Variants in SEC11A observed in about 807,000 individuals in gnomAD.
SEC11A encodes signal peptidase complex catalytic subunit SEC11A.
A neutral mutation model predicts 25.6 loss-of-function variants in SEC11A; 14 were observed. That is an observed-to-expected ratio of 0.55 (90% CI 0.36 to 0.85). The LOEUF (loss-of-function observed/expected upper bound fraction) is 0.85, where lower values mean the gene tolerates loss of function less well. SEC11A is among the 40% of genes least tolerant of loss of function. The probability of loss-of-function intolerance (pLI) is 0.01; values close to 1 mark genes in which losing one functional copy is unlikely to be tolerated. For missense variants in SEC11A, 153 were observed against 222.9 expected (o/e 0.69, Z 2.00); for synonymous variants, 83 against 76.4 (o/e 1.09, Z -0.45).
chr15:84,710,582 G>C (rs1898231170), intron 1 of SEC11A, among the ~76,000 whole-genome samples: 1 of 152,176 alleles, frequency 6.6e-6, no homozygotes, highest in Non-Finnish European at 1.5e-5. Context: ...GGTTGCAGTT[G>C]AGCCTAGATG....
chr15:84,716,128 G>A lies in SEC11A; in HGVS notation c.-53C>T, dbSNP rs544647194. 13 of 1,565,258 alleles carry A rather than the reference G, an allele frequency of 8.3e-6. No individual in the cohort carries two copies. In the South Asian group the frequency reaches 8.9e-5, roughly 11 times the overall value. On this transcript the variant is annotated 5_prime_UTR_variant, in exon 1 of 6. Transcript: ENST00000268220. ...AGGGGAAAGGGCGCGATGACCAGCG[G>A]GCGGAACTACTGGAGCTCGGGTCGG...
intron 3 of SEC11A, among the ~76,000 whole-genome samples, chr15:84,684,935 G>C (rs1051822359): frequency 6.6e-6 from 1 of 151,332 alleles, no homozygotes; most frequent in Non-Finnish European, 1.5e-5. Context: ...CGTCTCAAAA[G>C]AAAAAACAAA....
intron 1 of SEC11A, among the ~76,000 whole-genome samples, chr15:84,699,966 C>T (rs997470652): frequency 1.3e-5 from 2 of 151,812 alleles, no homozygotes; most frequent in Non-Finnish European, 2.9e-5. Context: ...GAAATCTTCA[C>T]GGGGCTTTGG....
chr15:84,670,390 C>A (rs757134560), intron 5 of SEC11A: 18 of 272,584 alleles, frequency 6.6e-5, no homozygotes, highest in Non-Finnish European at 1.0e-4. Flanking sequence ...GTGTGTACCA[C>A]CATTCCTGGC....
At chr15:84,683,115 T>C (rs933189710) in intron 3 of SEC11A, among the ~76,000 whole-genome samples, 2 of 151,982 alleles carry the variant, frequency 1.3e-5, no homozygotes, top group Admixed American at 1.3e-4. Flanking sequence ...AGAAAAATAA[T>C]CTGTAGCTGA....
At chr15:84,706,153 T>C (rs894809656) in intron 1 of SEC11A, among the ~76,000 whole-genome samples, 2 of 152,046 alleles carry the variant, frequency 1.3e-5, no homozygotes, top group African/African-American at 4.8e-5. Context: ...GTGATCCACC[T>C]GCCTCAGCCT....
At chr15:84,687,039 A>C (rs1897447596) in intron 3 of SEC11A, 1 of 152,032 alleles carries the variant, frequency 6.6e-6, no homozygotes, top group South Asian at 2.1e-4. Flanking sequence ...CACCTGGCTA[A>C]TTTTTATATT....
At chr15:84,710,170 A>G (rs1898217770) in intron 1 of SEC11A, among the ~76,000 whole-genome samples, 1 of 152,256 alleles carries the variant, frequency 6.6e-6, no homozygotes, top group Non-Finnish European at 1.5e-5. Context: ...CTATTTATAT[A>G]CAGTGCTGAA....
intron 3 of SEC11A, among the ~76,000 whole-genome samples, chr15:84,684,131 TA>T (rs1390081783): frequency 6.6e-6 from 1 of 152,162 alleles, no homozygotes; most frequent in Non-Finnish European, 1.5e-5. Context: ...CACCCAATGG[TA>T]AAATTTCTCT....
chr15:84,685,731 T>C (rs539347572), intron 3 of SEC11A, among the ~76,000 whole-genome samples: 10 of 151,020 alleles, frequency 6.6e-5, no homozygotes, highest in Non-Finnish European at 8.8e-5. Flanking sequence ...ACAACACAAA[T>C]CCACTTTCAG....
At chr15:84,712,796 A>G (rs1898323315) in intron 1 of SEC11A, among the ~76,000 whole-genome samples, 1 of 152,184 alleles carries the variant, frequency 6.6e-6, no homozygotes, top group Non-Finnish European at 1.5e-5. Context: ...TTCCATTTAT[A>G]TAAAATGCAT....
intron 1 of SEC11A, among the ~76,000 whole-genome samples, chr15:84,701,991 C>G (rs572540902): frequency 6.7e-6 from 1 of 150,038 alleles, no homozygotes; most frequent in Non-Finnish European, 1.5e-5. Context: ...TGCTTGAACC[C>G]GGGAGGCGGA....
chr15:84,673,444 A>AAG, intron 4 of SEC11A: 1 of 187,902 alleles, frequency 5.3e-6, no homozygotes, highest in Non-Finnish European at 1.1e-5. Context: ...AAAAAAAAAA[A>AAG]AAGAACTCCC....
chr15:84,681,553 C>A (rs1211391636), intron 3 of SEC11A, among the ~76,000 whole-genome samples: 1 of 152,076 alleles, frequency 6.6e-6, no homozygotes, highest in Non-Finnish European at 1.5e-5. Context: ...TCACTTGAAC[C>A]CAGGAGGCGG....
At chr15:84,710,623 G>A (rs996024597) in intron 1 of SEC11A, among the ~76,000 whole-genome samples, 2 of 152,146 alleles carry the variant, frequency 1.3e-5, no homozygotes, top group African/African-American at 4.8e-5. Context: ...GGGCGACAGA[G>A]CAAGATTCTG....
At chr15:84,670,672 G>T in intron 5 of SEC11A, 53 bp downstream of exon 5, 1 of 910,148 alleles carries the variant, frequency 1.1e-6, no homozygotes, top group Non-Finnish European at 1.7e-6. Context: ...GAGCCACTGT[G>T]CCTGGCCCAA....
chr15:84,687,588 A>T, intron 3 of SEC11A, 37 bp downstream of exon 3: 1 of 1,501,556 alleles, frequency 6.7e-7, no homozygotes, highest in Non-Finnish European at 8.8e-7. Flanking sequence ...CTTAAACAAA[A>T]GCACTTAGAA....
intron 1 of SEC11A, among the ~76,000 whole-genome samples, chr15:84,706,160 G>A (rs1352855420): frequency 6.6e-6 from 1 of 151,984 alleles, no homozygotes; most frequent in Admixed American, 6.6e-5. Flanking sequence ...ACCTGCCTCA[G>A]CCTCCCAAAG....
rs557017488 is a variant in SEC11A at position 84,716,087 on chromosome 15, C to T, written c.-12G>A. 2.4e-4 allele frequency: 388 copies of T among 1,613,234 alleles called. 11 individuals carry two copies. In the South Asian group the frequency reaches 4.1e-3, roughly 17 times the overall value. Reference sequence around the variant, plus strand: ...TCTAGAGACAGCATGGCGGGGACGGCGAGCAGGACACCGGCAGGGGAAAGG... The same window carrying T: ...TCTAGAGACAGCATGGCGGGGACGGTGAGCAGGACACCGGCAGGGGAAAGG... On this transcript the variant is annotated 5_prime_UTR_variant, in exon 1 of 6. Coordinates refer to ENST00000268220, the MANE Select transcript of SEC11A (RefSeq NM_014300.4).
Sources: gnomAD v4.1 joint callset for allele counts (sites outside exome capture counted in the v4.1 genomes callset) on GRCh38, gnomAD v4.1.1 for gene constraint, MANE v1.5 for transcripts, NCBI Gene and HGNC (gene_info 2026-07-23, HGNC 2026-07-21) for gene names.